The following L3MBTL4 variants were observed in gnomAD, a reference collection of about 807,000 sequenced individuals.
L3MBTL4 encodes the protein lethal(3)malignant brain tumor-like protein 4.
Under a neutral mutation model 84.5 loss-of-function variants are expected in L3MBTL4, and 70 were observed. The observed-to-expected ratio is 0.83, with a 90% CI of 0.68 to 1.01. The LOEUF (loss-of-function observed/expected upper bound fraction) is 1.01, where lower values mean the gene tolerates loss of function less well. Among genes scored for constraint, L3MBTL4 ranks in the 50% least tolerant of loss-of-function variants. The pLI, the probability that L3MBTL4 is intolerant of heterozygous loss-of-function variation, is 0.00. For missense variants in L3MBTL4, 715 were observed against 754.8 expected (o/e 0.95, Z 0.62); for synonymous variants, 274 against 259.8 (o/e 1.05, Z -0.52).
chr18:5,976,855 T>G (rs533189933), intron 16 of L3MBTL4, among the ~76,000 whole-genome samples: 1 of 152,182 alleles, frequency 6.6e-6, no homozygotes, highest in Non-Finnish European at 1.5e-5. Flanking sequence ...CCACTTTCTC[T>G]AAAAGTGTCG....
At chr18:6,125,405 G>T (rs8084059) in intron 14 of L3MBTL4, among the ~76,000 whole-genome samples, 54,838 of 152,058 alleles carry the variant, frequency 0.36, 11,885 homozygotes, top group African/African-American at 0.59. Context: ...TAAAAAAATA[G>T]TTTTGTTAAT....
At chr18:6,255,509 G>A (rs2048098278) in intron 5 of L3MBTL4, among the ~76,000 whole-genome samples, 1 of 152,086 alleles carries the variant, frequency 6.6e-6, no homozygotes, top group Admixed American at 6.5e-5. Context: ...AGAAACTACG[G>A]GAAATGAGCA....
chr18:6,337,205 T>C lies in L3MBTL4; in HGVS notation c.-90-25149A>G, dbSNP rs533096043. On this transcript the variant is annotated intron_variant, in intron 1 of 18. Transcript: ENST00000317931. The stretch of plus-strand genomic sequence containing the variant: ...CCAAAAAGGAAAAAAATGAGAAAAC[T>C]AATGAATCGACCTTTGAAGAGAAAA... Among the ~76,000 whole-genome samples the C allele has an allele frequency of 2.0e-5, 3 of 152,144 alleles. No individual in the cohort carries two copies. The East Asian group carries it at 5.8e-4, about 29-fold the overall frequency.
intron 4 of L3MBTL4, among the ~76,000 whole-genome samples, chr18:6,283,987 G>A (rs546491718): frequency 5.3e-5 from 8 of 152,326 alleles, no homozygotes; most frequent in Non-Finnish European, 8.8e-5. Flanking sequence ...CAAAGTCTGG[G>A]CGATCATTCT....
At chr18:6,030,466 A>C (rs2055734780) in intron 16 of L3MBTL4, 1 of 978,962 alleles carries the variant, frequency 1.0e-6, no homozygotes, top group Non-Finnish European at 1.2e-6. Context: ...TTTACTAAAC[A>C]AGTGAAGTAT....
chr18:6,017,446 T>C (rs1333669863), intron 16 of L3MBTL4, among the ~76,000 whole-genome samples: 2 of 152,234 alleles, frequency 1.3e-5, no homozygotes, highest in African/African-American at 4.8e-5. Context: ...TTTTACACTG[T>C]AATTTTAAAT....
intron 10 of L3MBTL4, among the ~76,000 whole-genome samples, chr18:6,237,025 T>C (rs1317323536): frequency 1.3e-5 from 2 of 152,324 alleles, no homozygotes; most frequent in Middle Eastern, 3.4e-3. Context: ...TGAACACTTG[T>C]GTTAAAAATA....
At chr18:6,057,051 G>A (rs1281833925) in intron 16 of L3MBTL4, among the ~76,000 whole-genome samples, 1 of 147,990 alleles carries the variant, frequency 6.8e-6, no homozygotes, top group African/African-American at 2.5e-5. Flanking sequence ...TTTTTTTTAA[G>A]ATGGAATCTC....
chr18:6,142,138 C>T (rs1277229694), intron 13 of L3MBTL4, among the ~76,000 whole-genome samples: 2 of 152,204 alleles, frequency 1.3e-5, no homozygotes, highest in African/African-American at 4.8e-5. Flanking sequence ...TTATATAGCA[C>T]CTACCTCAAT....
At chr18:6,156,618 T>C (rs1232657753) in intron 13 of L3MBTL4, among the ~76,000 whole-genome samples, 2 of 152,180 alleles carry the variant, frequency 1.3e-5, no homozygotes, top group African/African-American at 2.4e-5. Flanking sequence ...ACTCAGGATC[T>C]CTACTCAACG....
At chr18:6,224,996 T>G (rs1395228143) in intron 10 of L3MBTL4, among the ~76,000 whole-genome samples, 2 of 151,874 alleles carry the variant, frequency 1.3e-5, no homozygotes, top group African/African-American at 4.8e-5. Flanking sequence ...AAATAAACCT[T>G]TATTGAATAT....
chr18:6,308,340 G>C (rs574601704), intron 3 of L3MBTL4, among the ~76,000 whole-genome samples: 1 of 152,236 alleles, frequency 6.6e-6, no homozygotes, highest in African/African-American at 2.4e-5. Context: ...GTTAGGGAGA[G>C]GATAAACTAG....
intron 14 of L3MBTL4, among the ~76,000 whole-genome samples, chr18:6,137,027 T>A (rs1414423526): frequency 2.0e-5 from 3 of 152,222 alleles, no homozygotes; most frequent in Non-Finnish European, 4.4e-5. Flanking sequence ...TAAAACTTTT[T>A]AATAACATTT....
At chr18:6,028,657 C>T (rs2055629370) in intron 16 of L3MBTL4, among the ~76,000 whole-genome samples, 1 of 152,160 alleles carries the variant, frequency 6.6e-6, no homozygotes, top group South Asian at 2.1e-4. Context: ...ATTGATTCTT[C>T]CTATCCATAA....
intron 16 of L3MBTL4, among the ~76,000 whole-genome samples, chr18:6,079,170 G>A (rs570050429): frequency 7.9e-5 from 12 of 152,218 alleles, no homozygotes; most frequent in African/African-American, 1.9e-4. Flanking sequence ...TGGGGACTCC[G>A]GACATACAAG....
At chr18:6,054,092 C>T (rs2056929407) in intron 16 of L3MBTL4, among the ~76,000 whole-genome samples, 1 of 152,098 alleles carries the variant, frequency 6.6e-6, no homozygotes, top group South Asian at 2.1e-4. Flanking sequence ...GTGTGTTTGT[C>T]CATTCTTAGT....
intron 16 of L3MBTL4, among the ~76,000 whole-genome samples, chr18:6,042,552 A>G (rs1035780774): frequency 1.3e-5 from 2 of 152,104 alleles, no homozygotes; most frequent in African/African-American, 2.4e-5. Context: ...ATGTTATTCA[A>G]TCCAACACAA....
At chr18:6,183,611 C>A (rs1192213077) in intron 12 of L3MBTL4, among the ~76,000 whole-genome samples, 1 of 152,174 alleles carries the variant, frequency 6.6e-6, no homozygotes, top group African/African-American at 2.4e-5. Context: ...AGGACTTACA[C>A]TGTTTACAAT....
At chr18:6,224,208 G>A (rs2046680688) in intron 10 of L3MBTL4, among the ~76,000 whole-genome samples, 1 of 152,090 alleles carries the variant, frequency 6.6e-6, no homozygotes, top group Admixed American at 6.6e-5. Context: ...AAAAATCCCT[G>A]GAAGTGTAAA....
Sources: gnomAD v4.1 joint callset for allele counts (sites outside exome capture counted in the v4.1 genomes callset) on GRCh38, gnomAD v4.1.1 for gene constraint, MANE v1.5 for transcripts, NCBI Gene and HGNC (gene_info 2026-07-23, HGNC 2026-07-21) for gene names.